DMD: variants seen among roughly 807,000 people sequenced by gnomAD.
DMD encodes dystrophin.
In DMD, 63 loss-of-function variants were observed where a neutral mutation model predicts 330.1. The observed-to-expected ratio is 0.19, with a 90% CI of 0.16 to 0.24. DMD has a LOEUF of 0.24. DMD is among the 10% of genes least tolerant of loss of function. The pLI, the probability that DMD is intolerant of heterozygous loss-of-function variation, is 1.00. For missense variants in DMD, 3,344 were observed against 2,684.1 expected (o/e 1.25, Z -5.43); for synonymous variants, 1,223 against 959.8 (o/e 1.27, Z -5.07).
chrX:33,168,894 A>G (rs1452903640), intron 1 of DMD, among the ~76,000 whole-genome samples: 3 of 110,988 alleles, frequency 2.7e-5, no homozygotes, highest in Admixed American at 9.6e-5. Flanking sequence ...ATGGAAAAGC[A>G]TTTATTATAT....
chrX:32,872,017 C>T (rs1051093489), intron 2 of DMD, among the ~76,000 whole-genome samples: 6 of 110,665 alleles, frequency 5.4e-5, no homozygotes, highest in Non-Finnish European at 7.6e-5. Context: ...GAAAAGGACA[C>T]GAGAGAGGAC....
intron 43 of DMD, among the ~76,000 whole-genome samples, chrX:32,266,455 C>G (rs1360196822): frequency 8.9e-6 from 1 of 111,883 alleles, no homozygotes; most frequent in Non-Finnish European, 1.9e-5. Flanking sequence ...CTTATTAATG[C>G]TAAACTGTAT....
At chrX:32,656,320 T>C (rs12393253) in intron 9 of DMD, among the ~76,000 whole-genome samples, 8,250 of 111,473 alleles carry the variant, frequency 0.074, 735 homozygotes, top group African/African-American at 0.26. Flanking sequence ...CAGGGGATGA[T>C]CGAAAAACTG....
intron 63 of DMD, among the ~76,000 whole-genome samples, chrX:31,226,811 CATT>C (rs1448670972): frequency 8.9e-6 from 1 of 111,849 alleles, no homozygotes; most frequent in Non-Finnish European, 1.9e-5. Flanking sequence ...ACACACTCAT[CATT>C]GAGTCCCTTT....
intron 2 of DMD, among the ~76,000 whole-genome samples, chrX:32,992,815 A>G (rs1364034384): frequency 9.4e-6 from 1 of 106,467 alleles, no homozygotes; most frequent in Non-Finnish European, 1.9e-5. Context: ...CTGAGGAAGG[A>G]CAATCGCTTG....
chrX:31,956,403 C>T (rs55898221), intron 45 of DMD, among the ~76,000 whole-genome samples: 32,647 of 110,519 alleles, frequency 0.3, 3,684 homozygotes, highest in East Asian at 0.53. Flanking sequence ...TCAGGGAAAC[C>T]GTATAGAATG....
intron 7 of DMD, among the ~76,000 whole-genome samples, chrX:32,720,925 A>T (rs1356634305): frequency 9.0e-6 from 1 of 111,553 alleles, no homozygotes; most frequent in Non-Finnish European, 1.9e-5. Context: ...TATGTATTCA[A>T]CTTATACATT....
chrX:33,255,729 G>A (rs1240261381), intron 1 of DMD, among the ~76,000 whole-genome samples: 1 of 110,959 alleles, frequency 9.0e-6, no homozygotes, highest in Non-Finnish European at 1.9e-5. Context: ...TCTGTGTCCT[G>A]CCTTTCAGTA....
At chrX:31,273,401 G>A (rs1312401123) in intron 62 of DMD, among the ~76,000 whole-genome samples, 2 of 111,936 alleles carry the variant, frequency 1.8e-5, no homozygotes, top group African/African-American at 3.2e-5. Flanking sequence ...TACTGTCAGA[G>A]GTTCATTTCA....
At chrX:31,655,312 G>T (rs775041664) in intron 54 of DMD, among the ~76,000 whole-genome samples, 17 of 111,083 alleles carry the variant, frequency 1.5e-4, no homozygotes, top group African/African-American at 3.6e-4. Context: ...GGAAGGGTAG[G>T]GGGTGAGGGG....
intron 60 of DMD, among the ~76,000 whole-genome samples, chrX:31,412,144 C>T (rs762889809): frequency 6.0e-5 from 6 of 99,248 alleles, no homozygotes; most frequent in African/African-American, 2.3e-4. Context: ...CGAGATCGCA[C>T]CACTACATTC....
At chrX:31,513,342 G>A (rs1028000896) in intron 55 of DMD, among the ~76,000 whole-genome samples, 1 of 106,795 alleles carries the variant, frequency 9.4e-6, no homozygotes, top group Non-Finnish European at 1.9e-5. Flanking sequence ...TCTCCTGCCT[G>A]ATTGCCCTGG....
rs1247142919 is a variant in DMD, at chrX:31,824,174, T to C, written c.7201-4091A>G. ...AGGTCATAAGGAAGTACAAGAAAGT[T>C]TGTTGCTGCATTGTGGGGAATTGAG... On this transcript the variant is annotated intron_variant, in intron 49 of 78. Coordinates refer to ENST00000357033, the MANE Select transcript of DMD (RefSeq NM_004006.3). Among the ~76,000 whole-genome samples, 3 of 112,468 alleles carry C rather than the reference T, an allele frequency of 2.7e-5. No individual in the cohort carries two copies. In the East Asian group the frequency reaches 8.4e-4, roughly 31 times the overall value.
chrX:32,457,950 C>A (rs1231741055), intron 25 of DMD, among the ~76,000 whole-genome samples: 1 of 110,463 alleles, frequency 9.1e-6, no homozygotes, highest in African/African-American at 3.3e-5. Context: ...TTTTATAATT[C>A]TATATATGTA....
intron 1 of DMD, among the ~76,000 whole-genome samples, chrX:33,301,654 G>A (rs983235772): frequency 8.9e-5 from 10 of 111,757 alleles, no homozygotes; most frequent in East Asian, 2.8e-4. Flanking sequence ...TCTCTGCTTC[G>A]AAGATGATGC....
chrX:32,610,237 A>G (rs191847581), intron 12 of DMD, among the ~76,000 whole-genome samples: 2 of 111,383 alleles, frequency 1.8e-5, no homozygotes, highest in Middle Eastern at 4.7e-3. Flanking sequence ...TCAAAGCTAA[A>G]GCAAACCTCT....
At chrX:32,664,379 C>T (rs2061159997) in intron 9 of DMD, among the ~76,000 whole-genome samples, 1 of 108,938 alleles carries the variant, frequency 9.2e-6, no homozygotes, top group African/African-American at 3.4e-5. Flanking sequence ...GTAGCTGGGA[C>T]TACAGGCACC....
In DMD at chrX:31,661,334, A is replaced by T. The variant is rs144614500; in HGVS notation, c.7873-3190T>A. On this transcript the variant is annotated intron_variant, in intron 53 of 78. Transcript: ENST00000357033. ...ATTGAGGGGGCTCAGGCCCTTATAT[A>T]AACACAAAGGTTCTCAAAGGTAGCC... Among the ~76,000 whole-genome samples, 490 of 110,259 alleles carry T rather than the reference A, an allele frequency of 4.4e-3. 2 individuals are homozygous for T. Among genetic ancestry groups the T allele is most frequent in the Middle Eastern group, 0.018 (4 of 217 alleles).
At chrX:33,035,971 C>A (rs1308133376) in intron 1 of DMD, among the ~76,000 whole-genome samples, 2 of 111,596 alleles carry the variant, frequency 1.8e-5, no homozygotes, top group African/African-American at 6.5e-5. Context: ...TAAATTTAGA[C>A]AAGTATTCAT....
Sources: gnomAD v4.1 joint callset for allele counts (sites outside exome capture counted in the v4.1 genomes callset) on GRCh38, gnomAD v4.1.1 for gene constraint, MANE v1.5 for transcripts, NCBI Gene and HGNC (gene_info 2026-07-23, HGNC 2026-07-21) for gene names.